The following PRKCZ variants were observed in gnomAD, a reference collection of about 807,000 sequenced individuals.
PRKCZ encodes the protein protein kinase C zeta type.
Under a neutral mutation model 79.5 loss-of-function variants are expected in PRKCZ, and 33 were observed. That is an observed-to-expected ratio of 0.41 (90% CI 0.31 to 0.55). The LOEUF is 0.55. PRKCZ is among the 20% of genes least tolerant of loss of function. The pLI is 0.19. For missense variants in PRKCZ, 578 were observed against 813.5 expected (o/e 0.71, Z 3.52); for synonymous variants, 342 against 320.9 (o/e 1.07, Z -0.70).
intron 1 of PRKCZ, among the ~76,000 whole-genome samples, chr1:2,051,471 C>T (rs1162531851): frequency 6.6e-6 from 1 of 152,228 alleles, no homozygotes; most frequent in Admixed American, 6.5e-5. Flanking sequence ...TGTTCTTCCA[C>T]CTGTGCGCGT....
In PRKCZ at chr1:2,174,961, C is replaced by T. The variant is rs768422686; in HGVS notation, c.1485+128C>T. ...GTATCGGGTGTGTGGGTTGATTTTC[C>T]GCTTCAGTATTTGAGCTCTGTGTTC... On this transcript the variant is annotated intron_variant, in intron 15 of 17. Transcript: ENST00000378567. This position sits in a 1 kb window ranked among gnomAD's most constrained non-coding sequence, Gnocchi z 6.2. 48 of 998,142 alleles carry T rather than the reference C, an allele frequency of 4.8e-5. No individual in the cohort carries two copies. The highest frequency in any genetic ancestry group is 6.8e-5 in the Non-Finnish European group (45 of 658,576). The allele number at this position is 998,142 out of a possible 1,614,324, so 61.8% of individuals were successfully genotyped here.
At chr1:2,171,910 A>G in intron 11 of PRKCZ, 145 bp from the exon 12 acceptor site, 2 of 1,015,150 alleles carry the variant, frequency 2.0e-6, no homozygotes, top group South Asian at 1.7e-5. Flanking sequence ...GGCCCTGTGC[A>G]CTGCACTTTC....
chr1:2,120,305 T>G (rs935950545), intron 4 of PRKCZ, among the ~76,000 whole-genome samples: 11 of 128,928 alleles, frequency 8.5e-5, no homozygotes, highest in African/African-American at 2.1e-4. Context: ...TTTTTTTTTT[T>G]TTTTTTTTTT....
intron 4 of PRKCZ, among the ~76,000 whole-genome samples, chr1:2,088,873 G>A (rs1664989783): frequency 6.6e-6 from 1 of 152,198 alleles, no homozygotes; most frequent in South Asian, 2.1e-4. Flanking sequence ...TGACCCATAG[G>A]GCAGGATGTC....
intron 4 of PRKCZ, among the ~76,000 whole-genome samples, chr1:2,070,390 C>T (rs911571543): frequency 2.0e-5 from 3 of 152,214 alleles, no homozygotes; most frequent in South Asian, 2.1e-4. Context: ...GGGACCCTCC[C>T]GAGCCTCACC....
chr1:2,120,368 C>T (rs1204975051), intron 4 of PRKCZ, among the ~76,000 whole-genome samples: 1 of 124,274 alleles, frequency 8.0e-6, no homozygotes, highest in Non-Finnish European at 1.6e-5. Flanking sequence ...GGCGCGATCT[C>T]GACTCACTGC....
chr1:2,060,211 T>C (rs1352891494), intron 4 of PRKCZ, among the ~76,000 whole-genome samples: 1 of 152,218 alleles, frequency 6.6e-6, no homozygotes, highest in Non-Finnish European at 1.5e-5. Context: ...CCATGCCTTG[T>C]TCGTTGTGTG....
At chr1:2,074,550 G>A in intron 4 of PRKCZ, 1 of 574,994 alleles carries the variant, frequency 1.7e-6, no homozygotes, top group Non-Finnish European at 3.1e-6. Context: ...GCCAGGGCTG[G>A]TAGTGGTAAC....
At chr1:2,050,381 T>C (rs1168382044), upstream of PRKCZ, 1 of 170,642 alleles carries the variant, frequency 5.9e-6, no homozygotes, top group East Asian at 1.7e-4. Flanking sequence ...GCCCCGCGGA[T>C]TGGCCGCTGG....
chr1:2,074,594 G>T (rs866209655), intron 4 of PRKCZ: 8 of 495,074 alleles, frequency 1.6e-5, no homozygotes, highest in African/African-American at 1.6e-4. Flanking sequence ...CGGTCTTTCC[G>T]TCTCGAGCCT....
chr1:2,082,205 TC>T lies in PRKCZ; in HGVS notation c.334+22617del, dbSNP rs1663670568. ...GCCCTTGGCAGCGTCGCCCGCTCTG[TC>T]CCGCCTGTTGTGTGCGCCTTTTCCC... On this transcript the variant is annotated intron_variant, in intron 4 of 17. Coordinates refer to ENST00000378567, the MANE Select transcript of PRKCZ (RefSeq NM_002744.6). This position sits in a 1 kb window ranked among gnomAD's most constrained non-coding sequence, Gnocchi z 4.4. 2.8e-6 allele frequency: 1 copy of T among 360,594 alleles called. No homozygotes were observed. Among genetic ancestry groups the T allele is most frequent in the Admixed American group, 3.8e-5 (1 of 26,606 alleles). The allele number at this position is 360,594 out of a possible 1,614,324, so 22.3% of individuals were successfully genotyped here. A position where few individuals can be genotyped will look rare whatever the true frequency, so the allele number is the denominator to read the frequency against.
chr1:2,051,951 A>AT (rs969346921), intron 1 of PRKCZ, among the ~76,000 whole-genome samples: 1 of 151,942 alleles, frequency 6.6e-6, no homozygotes, highest in African/African-American at 2.4e-5. Flanking sequence ...GAAGAAAGGG[A>AT]TTTCTGGGGG....
At position 2,178,894 on chromosome 1, in the gene PRKCZ, G is replaced by A. The variant is rs529079482; in HGVS notation, c.1575+3581G>A. On this transcript the variant is annotated intron_variant, in intron 16 of 17. Transcript: ENST00000378567. This position sits in a 1 kb window ranked among gnomAD's most constrained non-coding sequence, Gnocchi z 4.3. Reference sequence around the variant, plus strand: ...CACAGTGCCCGCCCCCCGAGTGTCCGAGGGTAGAGCTGGGACAGGGTCACA... The same window carrying A: ...CACAGTGCCCGCCCCCCGAGTGTCCAAGGGTAGAGCTGGGACAGGGTCACA... Among the ~76,000 whole-genome samples, 87 of 152,292 alleles carry A rather than the reference G, an allele frequency of 5.7e-4. No homozygotes were observed. The highest frequency in any genetic ancestry group is 8.2e-4 in the Non-Finnish European group (56 of 68,014).
intron 10 of PRKCZ, among the ~76,000 whole-genome samples, chr1:2,166,010 G>A (rs1571946610): frequency 6.6e-6 from 1 of 152,248 alleles, no homozygotes; most frequent in East Asian, 1.9e-4. Flanking sequence ...GGCAGGGTCA[G>A]GGACTGGATC....
At chr1:2,175,091 C>T (rs1402623732) in intron 15 of PRKCZ, 133 bp from the exon 16 acceptor site, 3 of 790,954 alleles carry the variant, frequency 3.8e-6, no homozygotes, top group Non-Finnish European at 6.2e-6. Context: ...ATAAAGGAAA[C>T]ATCTGATTTC....
chr1:2,120,293 G>GGT (rs1671604774), intron 4 of PRKCZ, among the ~76,000 whole-genome samples: 1 of 32,842 alleles, frequency 3.0e-5, no homozygotes, highest in Non-Finnish European at 5.7e-5. Context: ...TTGACTTTTC[G>GGT]TTTTTTTTTT....
In PRKCZ at chr1:2,173,427, A is replaced by G. The variant is rs377650286; in HGVS notation, c.1286-470A>G. On this transcript the variant is annotated intron_variant, in intron 13 of 17. Coordinates refer to ENST00000378567, the MANE Select transcript of PRKCZ (RefSeq NM_002744.6). The surrounding 1 kb of genome is among the most constrained non-coding windows in gnomAD (Gnocchi z 5.7). ...CTGCTGTCCTTGGGCAAAACGGGTC[A>G]GGGTCTCCCACCCCTCATTCGCTGG... Among the ~76,000 whole-genome samples the G allele has an allele frequency of 6.6e-5, 10 of 152,362 alleles. No homozygotes were observed. The East Asian group carries it at 9.6e-4, about 15-fold the overall frequency.
intron 4 of PRKCZ, among the ~76,000 whole-genome samples, chr1:2,109,585 G>T (rs2102691289): frequency 6.6e-6 from 1 of 152,358 alleles, no homozygotes; most frequent in South Asian, 2.1e-4. Context: ...GGGTCACACG[G>T]GGCCGAGTGG....
intron 9 of PRKCZ, 49 bp from the exon 10 acceptor site, chr1:2,155,946 G>A (rs1680956994): frequency 6.5e-7 from 1 of 1,538,792 alleles, no homozygotes; most frequent in African/African-American, 1.4e-5. Context: ...CAGGATGCCT[G>A]TGAGGAGCAT....
Sources: allele counts gnomAD v4.1 joint callset (sites outside exome capture counted in the v4.1 genomes callset), GRCh38; gene constraint gnomAD v4.1.1; non-coding constraint Gnocchi (gnomAD v3.1); transcripts MANE v1.5; gene names NCBI Gene and HGNC (gene_info 2026-07-23, HGNC 2026-07-21).